SLC44A5: variants seen among roughly 807,000 people sequenced by gnomAD.
SLC44A5 encodes the protein solute carrier family 44 member 5.
In SLC44A5, 57 loss-of-function variants were observed where a neutral mutation model predicts 101.8. That is an observed-to-expected ratio of 0.56 (90% CI 0.45 to 0.70). The LOEUF (loss-of-function observed/expected upper bound fraction) is 0.70, where lower values mean the gene tolerates loss of function less well. SLC44A5 is among the 30% of genes least tolerant of loss of function. SLC44A5 has a pLI of 0.00. For synonymous variants in SLC44A5, 281 were observed against 290.9 expected, an observed-to-expected ratio of 0.97 and a Z score of 0.35; for missense variants, 737 against 853.1, an observed-to-expected ratio of 0.86 and a Z score of 1.70.
intron 3 of SLC44A5, among the ~76,000 whole-genome samples, chr1:75,391,091 CA>C: frequency 6.6e-6 from 1 of 151,918 alleles, no homozygotes; most frequent in Admixed American, 6.6e-5. Flanking sequence ...ATCCCATTTA[CA>C]ATAGCCAAAA....
chr1:75,715,088 C>T, the SLC44A5 span, among the ~76,000 whole-genome samples: 4 of 152,234 alleles, frequency 2.6e-5, no homozygotes, highest in African/African-American at 7.2e-5. Flanking sequence ...TATAGCTAAC[C>T]AGGGAGGTGG....
chr1:75,444,483 G>GAAGAAAGAAAGA lies in SLC44A5; in HGVS notation c.14-47874_14-47863dup, dbSNP rs369997923. On this transcript the variant is annotated intron_variant, in intron 2 of 23. Coordinates refer to ENST00000370859, the MANE Select transcript of SLC44A5 (RefSeq NM_001130058.2). Reference sequence around the variant, plus strand: ...AAAGAAAAAAAGAAAGAGAAAGAAAGAAGAAAGAAAGAAAGAAAGAAAGAA... The same window carrying GAAGAAAGAAAGA: ...AAAGAAAAAAAGAAAGAGAAAGAAAGAAGAAAGAAAGAAAGAAAGAAAGAAAGAAAGAAAGAA... Among the ~76,000 whole-genome samples, 720 of 140,714 alleles carry GAAGAAAGAAAGA rather than the reference G, an allele frequency of 5.1e-3. 7 individuals carry two copies. The highest frequency in any genetic ancestry group is 0.021 in the South Asian group (90 of 4,188). 92.3% of individuals were successfully genotyped at this position (140,714 alleles called of 152,430 possible).
intron 3 of SLC44A5, chr1:75,353,941 C>G (rs1448038401): frequency 1.0e-5 from 3 of 291,776 alleles, no homozygotes; most frequent in African/African-American, 4.5e-5. Flanking sequence ...TAAGGTAGAA[C>G]CTATTCTCAA....
chr1:75,645,045 G>C, the SLC44A5 span, among the ~76,000 whole-genome samples: 2 of 152,042 alleles, frequency 1.3e-5, no homozygotes, highest in East Asian at 1.9e-4. Flanking sequence ...ATTTGGGTTG[G>C]TTCCAAGTCT....
In SLC44A5 at chr1:75,354,055, T is replaced by C. The variant is rs768188184; in HGVS notation, c.53-14425A>G. The C allele has an allele frequency of 7.0e-5, 22 of 314,880 alleles. No individual in the cohort carries two copies. In the East Asian group the frequency reaches 2.1e-3, roughly 30 times the overall value. 19.5% of individuals were successfully genotyped at this position (314,880 alleles called of 1,614,324 possible). A position where few individuals can be genotyped will look rare whatever the true frequency, so the allele number is the denominator to read the frequency against. On this transcript the variant is annotated intron_variant, in intron 3 of 23. Transcript: ENST00000370859. ...GATTTTTTAAATGAATGAAATGTTT[T>C]AGAATCCAAATATAAGTTAGCAGAG...
chr1:75,620,168 T>A, the SLC44A5 span, among the ~76,000 whole-genome samples: 2 of 152,210 alleles, frequency 1.3e-5, no homozygotes, highest in African/African-American at 2.4e-5. Flanking sequence ...GAACTCACCC[T>A]TTTTTATGGC....
At chr1:75,498,635 C>A (rs1489302454) in intron 2 of SLC44A5, among the ~76,000 whole-genome samples, 1 of 152,086 alleles carries the variant, frequency 6.6e-6, no homozygotes, top group Non-Finnish European at 1.5e-5. Context: ...GCTATGCAGT[C>A]TTTCTCTTTC....
rs145079701 is a variant in SLC44A5, at chr1:75,524,479, C to T, written c.13+16956G>A. On this transcript the variant is annotated intron_variant, in intron 2 of 23. Coordinates refer to ENST00000370859, the MANE Select transcript of SLC44A5 (RefSeq NM_001130058.2). ...AGCAAATAGATTGGAAAATTCAAAA[C>T]AGCTACTTGTCAATTGTAGATTAAG... 5.8e-3 allele frequency among the ~76,000 whole-genome samples: 882 copies of T among 152,230 alleles called. 4 individuals carry two copies. The highest frequency in any genetic ancestry group is 0.02 in the African/African-American group (846 of 41,534).
At chr1:75,560,968 T>C (rs1162255611) in intron 1 of SLC44A5, among the ~76,000 whole-genome samples, 1 of 152,166 alleles carries the variant, frequency 6.6e-6, no homozygotes, top group Non-Finnish European at 1.5e-5. Context: ...GATGTAAAAG[T>C]CCTAATAATA....
intron 2 of SLC44A5, among the ~76,000 whole-genome samples, chr1:75,475,013 G>A (rs897259279): frequency 2.0e-5 from 3 of 152,198 alleles, no homozygotes; most frequent in East Asian, 1.9e-4. Context: ...AAGTAAAATC[G>A]TTGTGTGTCG....
At chr1:75,348,433 A>G (rs1045205386) in intron 3 of SLC44A5, among the ~76,000 whole-genome samples, 1 of 152,168 alleles carries the variant, frequency 6.6e-6, no homozygotes, top group African/African-American at 2.4e-5. Context: ...CCCTCCATAC[A>G]GTTGGAACTT....
the SLC44A5 span, among the ~76,000 whole-genome samples, chr1:75,712,978 T>C: frequency 6.6e-6 from 1 of 152,118 alleles, no homozygotes; most frequent in Non-Finnish European, 1.5e-5. Flanking sequence ...AATCCTGCTA[T>C]GTACTTCAAA....
chr1:75,515,774 C>T (rs1570496877), intron 2 of SLC44A5, among the ~76,000 whole-genome samples: 1 of 152,168 alleles, frequency 6.6e-6, no homozygotes, highest in South Asian at 2.1e-4. Flanking sequence ...GGGTTCATAC[C>T]CAGAGATAGG....
chr1:75,327,315 A>G (rs1164250085), intron 4 of SLC44A5, among the ~76,000 whole-genome samples: 1 of 152,212 alleles, frequency 6.6e-6, no homozygotes, highest in Admixed American at 6.5e-5. Context: ...CTATGCTGGT[A>G]AATCATGAAA....
At chr1:75,281,028 G>A (rs1260521543) in intron 5 of SLC44A5, among the ~76,000 whole-genome samples, 1 of 152,154 alleles carries the variant, frequency 6.6e-6, no homozygotes, top group Non-Finnish European at 1.5e-5. Context: ...AGTAGGCAGA[G>A]GTTGGAGCAG....
At chr1:75,514,425 A>T (rs538673137) in intron 2 of SLC44A5, among the ~76,000 whole-genome samples, 1 of 152,222 alleles carries the variant, frequency 6.6e-6, no homozygotes, top group South Asian at 2.1e-4. Flanking sequence ...AAGTACTCAG[A>T]TACTCTACAG....
At chr1:75,577,933 C>T (rs1673464411) in intron 1 of SLC44A5, among the ~76,000 whole-genome samples, 1 of 152,012 alleles carries the variant, frequency 6.6e-6, no homozygotes, top group Non-Finnish European at 1.5e-5. Context: ...TTAAGTCTTC[C>T]CAATATATAC....
chr1:75,203,914 T>C (rs1026730556), intron 23 of SLC44A5, 81 bp from the exon 24 acceptor site: 25 of 1,381,378 alleles, frequency 1.8e-5, no homozygotes, highest in Non-Finnish European at 2.3e-5. Flanking sequence ...TATACTCGCT[T>C]TACAGCAGTT....
At chr1:75,639,588 G>A in the SLC44A5 span, among the ~76,000 whole-genome samples, 1 of 152,110 alleles carries the variant, frequency 6.6e-6, no homozygotes, top group African/African-American at 2.4e-5. Context: ...GACCCACCGT[G>A]TTCTGTCTTG....
Sources: allele counts gnomAD v4.1 joint callset (sites outside exome capture counted in the v4.1 genomes callset), GRCh38; gene constraint gnomAD v4.1.1; transcripts MANE v1.5; gene names NCBI Gene and HGNC (gene_info 2026-07-23, HGNC 2026-07-21).